Variants in CWC27 observed in about 807,000 individuals in gnomAD.
The protein encoded by CWC27 is spliceosome-associated protein CWC27 homolog.
A neutral mutation model predicts 63.6 loss-of-function variants in CWC27; 47 were observed. That is an observed-to-expected ratio of 0.74 (90% CI 0.58 to 0.94). The LOEUF (loss-of-function observed/expected upper bound fraction) is 0.94, where lower values mean the gene tolerates loss of function less well. Ranked by LOEUF, CWC27 falls within the 40% of genes least tolerant of loss-of-function variation. CWC27 has a pLI of 0.00. For missense variants in CWC27, 495 were observed against 554.3 expected (o/e 0.89, Z 1.07); for synonymous variants, 175 against 179.8 (o/e 0.97, Z 0.22).
chr5:64,854,233 T>A (rs1580675863), intron 10 of CWC27, among the ~76,000 whole-genome samples: 1 of 152,358 alleles, frequency 6.6e-6, no homozygotes, highest in East Asian at 1.9e-4. Context: ...TGCTTCCACC[T>A]CTTGGCTGTT....
At chr5:64,912,186 G>A (rs187282971) in intron 11 of CWC27, among the ~76,000 whole-genome samples, 26 of 152,078 alleles carry the variant, frequency 1.7e-4, no homozygotes, top group African/African-American at 6.0e-4. Flanking sequence ...TGGATTGCCA[G>A]TGCCTTTAGG....
chr5:64,906,961 AAGATC>A (rs1469099226), intron 11 of CWC27, among the ~76,000 whole-genome samples: 22 of 152,284 alleles, frequency 1.4e-4, no homozygotes, highest in Admixed American at 1.0e-3. Flanking sequence ...AGGTTTGTCA[AAGATC>A]AGATGGTTGT....
chr5:64,934,389 T>C (rs1343748793), intron 11 of CWC27, among the ~76,000 whole-genome samples: 1 of 152,142 alleles, frequency 6.6e-6, no homozygotes, highest in East Asian at 1.9e-4. Context: ...TGCTGAGAAT[T>C]ATGGTTTCCA....
At chr5:64,930,157 T>C (rs557744411) in intron 11 of CWC27, among the ~76,000 whole-genome samples, 1 of 152,216 alleles carries the variant, frequency 6.6e-6, no homozygotes, top group African/African-American at 2.4e-5. Flanking sequence ...ATGTCCAAAA[T>C]AGGCAGATCC....
intron 11 of CWC27, among the ~76,000 whole-genome samples, chr5:64,924,296 T>C (rs1295610700): frequency 2.0e-5 from 3 of 152,220 alleles, no homozygotes; most frequent in East Asian, 3.8e-4. Context: ...AATGATATAT[T>C]GTTCTAGTCT....
chr5:64,778,411 G>A (rs2112152970), intron 2 of CWC27, among the ~76,000 whole-genome samples: 1 of 152,174 alleles, frequency 6.6e-6, no homozygotes, highest in South Asian at 2.1e-4. Flanking sequence ...ATCTGATCAT[G>A]TGCACAGTGC....
At chr5:64,950,461 G>A (rs541959108) in intron 11 of CWC27, among the ~76,000 whole-genome samples, 1 of 151,766 alleles carries the variant, frequency 6.6e-6, no homozygotes, top group Admixed American at 6.6e-5. Flanking sequence ...CTACAAGGAA[G>A]GCAAGGAAAA....
Position 64,769,042 on chromosome 5 carries a change from G to T in CWC27, c.-105G>T. The T allele has an allele frequency of 1.1e-6, 1 of 923,092 alleles. No homozygotes were observed. The allele number at this position is 923,092 out of a possible 1,614,324, so 57.2% of individuals were successfully genotyped here. A position where few individuals can be genotyped will look rare whatever the true frequency, so the allele number is the denominator to read the frequency against. On this transcript the variant is annotated 5_prime_UTR_variant, in exon 1 of 14. Coordinates refer to ENST00000381070, the MANE Select transcript of CWC27 (RefSeq NM_005869.4). ...GATATTGACAAACTGAAGCTTTCCT[G>T]CACCACTGGACTTAAGGAAGAGTGT... is the stretch of plus-strand genomic sequence containing the variant.
chr5:64,907,207 G>A (rs1747664970), intron 11 of CWC27, among the ~76,000 whole-genome samples: 1 of 152,182 alleles, frequency 6.6e-6, no homozygotes, highest in Admixed American at 6.6e-5. Flanking sequence ...TTTGAAGAAA[G>A]TCATTGGTAG....
At chr5:64,970,623 A>G (rs1265316513) in intron 11 of CWC27, among the ~76,000 whole-genome samples, 1 of 152,110 alleles carries the variant, frequency 6.6e-6, no homozygotes, top group Non-Finnish European at 1.5e-5. Flanking sequence ...TTATTTCTGT[A>G]TTTAATGGTT....
At chr5:64,946,655 A>T (rs1748597720) in intron 11 of CWC27, among the ~76,000 whole-genome samples, 1 of 152,090 alleles carries the variant, frequency 6.6e-6, no homozygotes, top group Non-Finnish European at 1.5e-5. Flanking sequence ...CTATGTTGAG[A>T]TGTTTATTAA....
intron 2 of CWC27, among the ~76,000 whole-genome samples, chr5:64,775,899 G>A (rs1312549038): frequency 6.6e-6 from 1 of 151,944 alleles, no homozygotes; most frequent in Non-Finnish European, 1.5e-5. Flanking sequence ...TTTATTCAAG[G>A]TATCAGAAAA....
intron 10 of CWC27, among the ~76,000 whole-genome samples, chr5:64,880,299 A>G (rs1162629491): frequency 6.6e-6 from 1 of 151,976 alleles, no homozygotes; most frequent in East Asian, 1.9e-4. Flanking sequence ...AACAACATGG[A>G]AAGAGCATAG....
intron 10 of CWC27, 86 bp from the exon 11 acceptor site, chr5:64,885,357 A>C (rs1052926691): frequency 1.2e-6 from 1 of 801,400 alleles, no homozygotes; most frequent in Non-Finnish European, 2.0e-6. Flanking sequence ...TTTTTCTTAG[A>C]TGTAGTATAC....
intron 2 of CWC27, among the ~76,000 whole-genome samples, chr5:64,778,347 A>G (rs1743535163): frequency 6.6e-6 from 1 of 151,784 alleles, no homozygotes; most frequent in African/African-American, 2.4e-5. Context: ...CTCTCCAGTC[A>G]TGTCTCTTTC....
chr5:64,937,117 A>T (rs1267377533), intron 11 of CWC27, among the ~76,000 whole-genome samples: 1 of 151,732 alleles, frequency 6.6e-6, no homozygotes, highest in Non-Finnish European at 1.5e-5. Flanking sequence ...CTCTGATCTT[A>T]GTTATTTCTT....
chr5:64,810,761 C>T (rs879746488), intron 10 of CWC27, among the ~76,000 whole-genome samples: 3 of 152,078 alleles, frequency 2.0e-5, no homozygotes, highest in South Asian at 2.1e-4. Context: ...TACTCCCAAA[C>T]ACATACCTCC....
At chr5:64,818,356 A>G (rs1275052644) in intron 10 of CWC27, among the ~76,000 whole-genome samples, 1 of 152,190 alleles carries the variant, frequency 6.6e-6, no homozygotes, top group African/African-American at 2.4e-5. Flanking sequence ...AAGTTATATA[A>G]TGACTTCCTG....
At chr5:64,825,042 C>A (rs1314037409) in intron 10 of CWC27, among the ~76,000 whole-genome samples, 1 of 152,048 alleles carries the variant, frequency 6.6e-6, no homozygotes, top group Admixed American at 6.6e-5. Context: ...AGTAAGTGTT[C>A]TTTTCTAATT....
Sources: gnomAD v4.1 joint callset for allele counts (sites outside exome capture counted in the v4.1 genomes callset) on GRCh38, gnomAD v4.1.1 for gene constraint, MANE v1.5 for transcripts, NCBI Gene and HGNC (gene_info 2026-07-23, HGNC 2026-07-21) for gene names.